FHIT: variants seen among roughly 807,000 people sequenced by gnomAD.
The protein encoded by FHIT is bis(5'-adenosyl)-triphosphatase.
In FHIT, 19 loss-of-function variants were observed where a neutral mutation model predicts 17.9. The observed-to-expected ratio is 1.06, with a 90% confidence interval of 0.74 to 1.56. FHIT has a LOEUF of 1.56. FHIT is among the 40% of genes most tolerant of loss of function. The pLI, the probability that FHIT is intolerant of heterozygous loss-of-function variation, is 0.00. For missense variants in FHIT, 248 were observed against 189.2 expected, an observed-to-expected ratio of 1.31 and a Z score of -1.82; for synonymous variants, 81 against 69.7, an observed-to-expected ratio of 1.16 and a Z score of -0.81.
intron 9 of FHIT, chr3:59,751,169 A>C (rs1200217312): frequency 5.6e-6 from 1 of 179,976 alleles, no homozygotes; most frequent in Non-Finnish European, 1.2e-5. Context: ...TTTAGTCTAG[A>C]TATATGCCAG....
intron 6 of FHIT, among the ~76,000 whole-genome samples, chr3:60,012,459 G>C (rs751707039): frequency 1.3e-5 from 2 of 151,756 alleles, no homozygotes; most frequent in Non-Finnish European, 2.9e-5. Flanking sequence ...CTTAGGGACA[G>C]GGTTTTGCCA....
intron 2 of FHIT, among the ~76,000 whole-genome samples, chr3:61,052,373 C>T (rs755117092): frequency 1.3e-5 from 2 of 152,046 alleles, no homozygotes; most frequent in East Asian, 1.9e-4. Flanking sequence ...GGCCCAAGTT[C>T]GACAGCCGGT....
chr3:60,340,716 T>C (rs1253636854), intron 5 of FHIT, among the ~76,000 whole-genome samples: 2 of 152,160 alleles, frequency 1.3e-5, no homozygotes, highest in Non-Finnish European at 2.9e-5. Context: ...GAGGACTTTT[T>C]TCTTTTTTTG....
chr3:59,899,649 T>C (rs1474721517), intron 8 of FHIT, among the ~76,000 whole-genome samples: 1 of 150,692 alleles, frequency 6.6e-6, no homozygotes, highest in African/African-American at 2.5e-5. Flanking sequence ...GCCTGGGCAA[T>C]ATGGCGAAAC....
chr3:59,955,936 T>G (rs1370643138), intron 7 of FHIT, among the ~76,000 whole-genome samples: 2 of 152,202 alleles, frequency 1.3e-5, no homozygotes, highest in Non-Finnish European at 2.9e-5. Context: ...CAAATGAAAC[T>G]GATCCCAGTA....
At chr3:60,275,697 T>C (rs1413367898) in intron 5 of FHIT, among the ~76,000 whole-genome samples, 1 of 152,150 alleles carries the variant, frequency 6.6e-6, no homozygotes, top group Non-Finnish European at 1.5e-5. Flanking sequence ...AATAAATGCA[T>C]ACTTAGGAAA....
At chr3:60,587,155 C>T (rs1311596657) in intron 4 of FHIT, among the ~76,000 whole-genome samples, 2 of 151,854 alleles carry the variant, frequency 1.3e-5, no homozygotes, top group South Asian at 2.1e-4. Flanking sequence ...ATATACACCA[C>T]GGAATACTAT....
intron 3 of FHIT, chr3:60,856,641 T>A (rs931816987): frequency 2.0e-5 from 3 of 152,130 alleles, no homozygotes; most frequent in African/African-American, 7.2e-5. Flanking sequence ...TATTTCCTGT[T>A]CCCACTCTGC....
chr3:60,921,416 G>A (rs1485191163), intron 3 of FHIT, among the ~76,000 whole-genome samples: 2 of 152,172 alleles, frequency 1.3e-5, no homozygotes, highest in Admixed American at 6.5e-5. Flanking sequence ...ACAGAGAAGT[G>A]AAGAACAGTG....
At chr3:60,490,433 T>C (rs553827469) in intron 5 of FHIT, among the ~76,000 whole-genome samples, 1 of 152,202 alleles carries the variant, frequency 6.6e-6, no homozygotes, top group African/African-American at 2.4e-5. Context: ...TTTTAAAAAA[T>C]ATATAACAAC....
chr3:60,822,813 G>A (rs1052224329), intron 3 of FHIT, among the ~76,000 whole-genome samples: 3 of 152,136 alleles, frequency 2.0e-5, no homozygotes, highest in African/African-American at 7.2e-5. Flanking sequence ...GTGACAGGGA[G>A]GCTATTGAGA....
At chr3:59,963,345 A>G (rs1707775289) in intron 7 of FHIT, among the ~76,000 whole-genome samples, 1 of 152,192 alleles carries the variant, frequency 6.6e-6, no homozygotes, top group African/African-American at 2.4e-5. Context: ...TTTTAAATTG[A>G]GTCGAAAACT....
At chr3:60,819,021 CTTTTCTTT>C (rs2106755524) in intron 4 of FHIT, among the ~76,000 whole-genome samples, 2 of 60,836 alleles carry the variant, frequency 3.3e-5, no homozygotes, top group East Asian at 4.5e-3. Flanking sequence ...TTTCTTTTTT[CTTTTCTTT>C]TTTCTTTTCT....
intron 5 of FHIT, among the ~76,000 whole-genome samples, chr3:60,493,790 A>T (rs973330624): frequency 1.3e-5 from 2 of 152,208 alleles, no homozygotes; most frequent in African/African-American, 4.8e-5. Flanking sequence ...TTAGAATTGG[A>T]TTTCAAAAAT....
intron 8 of FHIT, among the ~76,000 whole-genome samples, chr3:59,830,672 A>G (rs1701132811): frequency 6.6e-6 from 1 of 152,224 alleles, no homozygotes; most frequent in Admixed American, 6.5e-5. Flanking sequence ...ATAATTCTGC[A>G]GACATAAATT....
chr3:60,191,052 G>A lies in FHIT; in HGVS notation c.104-176900C>T, dbSNP rs544177858. 5.3e-5 allele frequency among the ~76,000 whole-genome samples: 8 copies of A among 152,096 alleles called. No individual in the cohort carries two copies. The East Asian group carries it at 1.5e-3, about 29-fold the overall frequency. ...ATCTGCTTTGCTTCCAGGAGATAAA[G>A]TCTTCCTGATACTTCCTTCTAATTT... On this transcript the variant is annotated intron_variant, in intron 5 of 9. Transcript: ENST00000492590.
chr3:60,775,150 T>C (rs1450669305), intron 4 of FHIT, among the ~76,000 whole-genome samples: 2 of 151,910 alleles, frequency 1.3e-5, no homozygotes, highest in Non-Finnish European at 2.9e-5. Context: ...ATGAATAGAG[T>C]GTATGTTGGC....
intron 1 of FHIT, among the ~76,000 whole-genome samples, chr3:61,250,314 G>A (rs555647080): frequency 1.5e-4 from 23 of 152,358 alleles, no homozygotes; most frequent in Middle Eastern, 3.4e-3. Flanking sequence ...TCAGGTGCGA[G>A]TAGGGACCAC....
At chr3:59,920,282 T>C (rs967001344) in intron 8 of FHIT, among the ~76,000 whole-genome samples, 3 of 152,326 alleles carry the variant, frequency 2.0e-5, no homozygotes, top group Admixed American at 6.5e-5. Flanking sequence ...AATCTCTACA[T>C]AGTCTTGTAC....
Sources: allele counts gnomAD v4.1 joint callset (sites outside exome capture counted in the v4.1 genomes callset), GRCh38; gene constraint gnomAD v4.1.1; transcripts MANE v1.5; gene names NCBI Gene and HGNC (gene_info 2026-07-23, HGNC 2026-07-21).